Variants in CLGN observed in about 807,000 individuals in gnomAD.
CLGN encodes the protein calmegin.
Under a neutral mutation model 79.1 loss-of-function variants are expected in CLGN, and 62 were observed. The observed-to-expected ratio is 0.78, with a 90% CI of 0.64 to 0.97. The LOEUF is 0.97. Ranked by LOEUF, CLGN falls within the 50% of genes least tolerant of loss-of-function variation. The probability of loss-of-function intolerance (pLI) is 0.00; values close to 1 mark genes in which losing one functional copy is unlikely to be tolerated. For missense variants in CLGN, 647 were observed against 715.5 expected (o/e 0.90, Z 1.09); for synonymous variants, 225 against 224.7 (o/e 1.00, Z -0.01).
intron 11 of CLGN, among the ~76,000 whole-genome samples, chr4:140,393,253 T>C (rs1728809163): frequency 6.6e-6 from 1 of 152,106 alleles, no homozygotes; most frequent in South Asian, 2.1e-4. Flanking sequence ...TCACCTACTC[T>C]TTTGATGGTT....
At chr4:140,409,688 T>G in intron 4 of CLGN, 149 bp downstream of exon 4, 1 of 450,870 alleles carries the variant, frequency 2.2e-6, no homozygotes. Context: ...TTCAGAAATA[T>G]TGAAGAGGGA....
intron 1 of CLGN, among the ~76,000 whole-genome samples, chr4:140,421,546 T>G (rs2126635043): frequency 6.6e-6 from 1 of 152,324 alleles, no homozygotes; most frequent in Non-Finnish European, 1.5e-5. Context: ...TGCATTTCCC[T>G]GATGATTAGT....
intron 5 of CLGN, among the ~76,000 whole-genome samples, chr4:140,404,079 TTTTA>T (rs1215386423): frequency 2.0e-5 from 3 of 151,844 alleles, no homozygotes; most frequent in African/African-American, 7.2e-5. Context: ...TTAATTTTAT[TTTTA>T]TTTATTTATT....
At chr4:140,398,748 G>C (rs1302080362) in intron 8 of CLGN, 103 bp downstream of exon 8, 6 of 969,872 alleles carry the variant, frequency 6.2e-6, no homozygotes, top group African/African-American at 5.0e-5. Context: ...AAGTAGTTCT[G>C]ATGTTTAAAA....
intron 1 of CLGN, among the ~76,000 whole-genome samples, chr4:140,417,784 A>G (rs1355905665): frequency 6.7e-5 from 10 of 149,942 alleles, no homozygotes; most frequent in African/African-American, 2.2e-4. Context: ...GCCCAAGGTA[A>G]TTTACAGATT....
intron 1 of CLGN, among the ~76,000 whole-genome samples, chr4:140,422,201 A>G (rs1158041693): frequency 6.6e-6 from 1 of 152,182 alleles, no homozygotes; most frequent in Non-Finnish European, 1.5e-5. Context: ...AAGTTTTGAA[A>G]CAGAGATGTG....
At chr4:140,389,676 T>C (rs1047790617) in intron 14 of CLGN, among the ~76,000 whole-genome samples, 2 of 151,840 alleles carry the variant, frequency 1.3e-5, no homozygotes, top group Admixed American at 6.6e-5. Context: ...CTGGAAGAAA[T>C]TCTCTTCACC....
At chr4:140,421,922 T>A (rs1416208615) in intron 1 of CLGN, among the ~76,000 whole-genome samples, 1 of 152,178 alleles carries the variant, frequency 6.6e-6, no homozygotes, top group Non-Finnish European at 1.5e-5. Flanking sequence ...TTTTCTTATG[T>A]TTAAGTCTTC....
chr4:140,407,278 T>A (rs981991953), intron 4 of CLGN, among the ~76,000 whole-genome samples: 2 of 152,064 alleles, frequency 1.3e-5, no homozygotes, highest in African/African-American at 4.8e-5. Flanking sequence ...TCGCCCCCTA[T>A]AAAGGTCTTA....
At chr4:140,419,325 C>T (rs974345845) in intron 1 of CLGN, among the ~76,000 whole-genome samples, 2 of 151,700 alleles carry the variant, frequency 1.3e-5, no homozygotes, top group Non-Finnish European at 2.9e-5. Context: ...GCACAATGTG[C>T]ACATGTACCC....
chr4:140,391,667 G>A (rs1046328367), intron 13 of CLGN, among the ~76,000 whole-genome samples: 3 of 151,894 alleles, frequency 2.0e-5, no homozygotes, highest in Admixed American at 1.3e-4. Flanking sequence ...AGGTCTCAGC[G>A]GACAGCCACC....
intron 1 of CLGN, among the ~76,000 whole-genome samples, chr4:140,416,522 C>A (rs2126631614): frequency 6.6e-6 from 1 of 152,080 alleles, no homozygotes; most frequent in African/African-American, 2.4e-5. Context: ...AAGGGGATAT[C>A]ACCACTGATC....
intron 14 of CLGN, 118 bp from the exon 15 acceptor site, chr4:140,389,422 G>T: frequency 1.3e-6 from 1 of 745,490 alleles, no homozygotes; most frequent in Non-Finnish European, 2.2e-6. Context: ...GTGCTATTAT[G>T]AAGGTATTAT....
chr4:140,397,781 G>A (rs886940089), intron 8 of CLGN, among the ~76,000 whole-genome samples: 8 of 152,114 alleles, frequency 5.3e-5, no homozygotes, highest in African/African-American at 1.9e-4. Flanking sequence ...GCGCTTGCCT[G>A]TAATCCCACC....
chr4:140,413,413 A>G (rs1054391214), intron 1 of CLGN, among the ~76,000 whole-genome samples: 1 of 152,148 alleles, frequency 6.6e-6, no homozygotes, highest in African/African-American at 2.4e-5. Context: ...GACGCAGAAG[A>G]CGGGTGATTT....
intron 3 of CLGN, 41 bp downstream of exon 3, chr4:140,410,512 C>T: frequency 1.4e-6 from 2 of 1,387,102 alleles, no homozygotes; most frequent in Non-Finnish European, 2.0e-6. Context: ...TTCAAAAAAG[C>T]TAATAAATCA....
At chr4:140,407,275 CT>C (rs1432012178) in intron 4 of CLGN, among the ~76,000 whole-genome samples, 4 of 151,990 alleles carry the variant, frequency 2.6e-5, no homozygotes, top group Non-Finnish European at 4.4e-5. Context: ...CTCTCGCCCC[CT>C]ATAAAGGTCT....
At chr4:140,408,878 T>TAC (rs1352836481) in intron 4 of CLGN, among the ~76,000 whole-genome samples, 3 of 141,388 alleles carry the variant, frequency 2.1e-5, no homozygotes, top group Non-Finnish European at 4.6e-5. Context: ...TATATATATA[T>TAC]ATATATACAC....
At position 140,392,327 on chromosome 4, in the gene CLGN, T is replaced by C. The variant is rs1728789407; in HGVS notation, c.1543A>G (p.Thr515Ala). Residue 515 changes from threonine (T) to alanine (A), a missense_variant, in exon 13 of 15, where the codon ACA (threonine) becomes GCA (alanine). Physicochemically the swap from Thr to Ala is moderately conservative, Grantham distance 58. Transcript: ENST00000325617. ...YKKTDICIPQ[T>A]KGVLEQEEKE... ...TCTTCTTGCTCTAGTACTCCTTTTG[T>C]TTGTGGTATACATATGTCGGTTTTT... The C allele has an allele frequency of 1.2e-6, 2 of 1,613,310 alleles. No individual in the cohort carries two copies. The highest frequency in any genetic ancestry group is 1.1e-5 in the South Asian group (1 of 91,014).
Sources: allele counts gnomAD v4.1 joint callset (sites outside exome capture counted in the v4.1 genomes callset), GRCh38; gene constraint gnomAD v4.1.1; transcripts MANE v1.5; gene names NCBI Gene and HGNC (gene_info 2026-07-23, HGNC 2026-07-21).